Variants in RUNX2 observed in about 807,000 individuals in gnomAD.
The protein encoded by RUNX2 is runt-related transcription factor 2.
A neutral mutation model predicts 51.7 loss-of-function variants in RUNX2; 10 were observed. That is an observed-to-expected ratio of 0.19 (90% CI 0.12 to 0.33). RUNX2 has a LOEUF of 0.33. Among genes scored for constraint, RUNX2 ranks in the 10% least tolerant of loss-of-function variants. The probability of loss-of-function intolerance (pLI) is 1.00; values close to 1 mark genes in which losing one functional copy is unlikely to be tolerated. For missense variants in RUNX2, 562 were observed against 691.3 expected, an observed-to-expected ratio of 0.81 and a Z score of 2.10; for synonymous variants, 276 against 273.6, an observed-to-expected ratio of 1.01 and a Z score of -0.09.
At chr6:45,462,419 G>C (rs2150387532) in intron 5 of RUNX2, among the ~76,000 whole-genome samples, 1 of 152,294 alleles carries the variant, frequency 6.6e-6, no homozygotes, top group Non-Finnish European at 1.5e-5. Context: ...TGTATAAGAA[G>C]ACCACAGAAC....
intron 5 of RUNX2, among the ~76,000 whole-genome samples, chr6:45,470,531 G>A (rs1016887914): frequency 6.6e-6 from 1 of 152,226 alleles, no homozygotes; most frequent in Non-Finnish European, 1.5e-5. Flanking sequence ...AATGTCACAT[G>A]AGTGATACAG....
chr6:45,378,647 T>G (rs535550728), intron 2 of RUNX2, among the ~76,000 whole-genome samples: 225 of 152,260 alleles, frequency 1.5e-3, no homozygotes, highest in African/African-American at 5.2e-3. Context: ...TTGAAAACTT[T>G]TTCTACTTGA....
At chr6:45,412,111 G>T (rs1797962833) in intron 2 of RUNX2, among the ~76,000 whole-genome samples, 1 of 150,572 alleles carries the variant, frequency 6.6e-6, no homozygotes, top group Non-Finnish European at 1.5e-5. Flanking sequence ...ACTTTGAGAG[G>T]CCAAGGCCAG....
At chr6:45,522,047 GTCTAGAACA>G (rs1474116713) in intron 7 of RUNX2, among the ~76,000 whole-genome samples, 2 of 152,112 alleles carry the variant, frequency 1.3e-5, no homozygotes, top group African/African-American at 4.8e-5. Context: ...ATTTCTGCCT[GTCTAGAACA>G]TTTTAGATTT....
chr6:45,369,064 A>C (rs1050738008), intron 2 of RUNX2, among the ~76,000 whole-genome samples: 3 of 152,162 alleles, frequency 2.0e-5, no homozygotes, highest in Non-Finnish European at 4.4e-5. Flanking sequence ...AGTGTTTAGA[A>C]TAACACAAAG....
At chr6:45,334,596 C>T (rs755346564) in intron 2 of RUNX2, among the ~76,000 whole-genome samples, 10 of 150,860 alleles carry the variant, frequency 6.6e-5, no homozygotes, top group South Asian at 2.1e-4. Flanking sequence ...CACATGAACA[C>T]GATGTATTTT....
At chr6:45,406,337 G>C (rs1249998056) in intron 2 of RUNX2, among the ~76,000 whole-genome samples, 2 of 152,156 alleles carry the variant, frequency 1.3e-5, no homozygotes, top group Non-Finnish European at 2.9e-5. Flanking sequence ...CTGGTATCCT[G>C]ACTTCTCAGG....
rs1161429674 is a variant in RUNX2 at position 45,547,802 on chromosome 6, A to G, written c.*497A>G. On this transcript the variant is annotated 3_prime_UTR_variant, in exon 9 of 9. Coordinates refer to ENST00000647337, the MANE Select transcript of RUNX2 (RefSeq NM_001024630.4). ...GTGCACTAAAGGGACATGAGGTAGAATGGATGCTTCCATCACAGTACCATC... is the reference window on the plus strand; with the variant it reads ...GTGCACTAAAGGGACATGAGGTAGAGTGGATGCTTCCATCACAGTACCATC... 1 of 185,552 alleles carries G rather than the reference A, an allele frequency of 5.4e-6. No homozygotes were observed. The highest frequency in any genetic ancestry group is 1.1e-5 in the Non-Finnish European group (1 of 87,124). The allele number at this position is 185,552 out of a possible 1,614,324, so 11.5% of individuals were successfully genotyped here. A position where few individuals can be genotyped will look rare whatever the true frequency, so the allele number is the denominator to read the frequency against.
intron 7 of RUNX2, among the ~76,000 whole-genome samples, chr6:45,527,144 G>A (rs1274318782): frequency 6.6e-6 from 1 of 152,172 alleles, no homozygotes. Flanking sequence ...TGGGAAAATC[G>A]AGTGCAAGGG....
intron 2 of RUNX2, among the ~76,000 whole-genome samples, chr6:45,395,486 G>A (rs545437655): frequency 2.0e-4 from 30 of 152,254 alleles, no homozygotes; most frequent in African/African-American, 7.0e-4. Context: ...TCTATAAAAT[G>A]AGAGTAATAC....
At chr6:45,408,024 A>C (rs1395018105) in intron 2 of RUNX2, among the ~76,000 whole-genome samples, 1 of 152,214 alleles carries the variant, frequency 6.6e-6, no homozygotes, top group East Asian at 1.9e-4. Context: ...ACATAACTAC[A>C]TTATACTTTT....
chr6:45,539,278 C>T (rs569101031), intron 7 of RUNX2, among the ~76,000 whole-genome samples: 2 of 152,050 alleles, frequency 1.3e-5, no homozygotes, highest in Admixed American at 6.6e-5. Context: ...TTAGGATCAG[C>T]TAGTTCTTTC....
intron 2 of RUNX2, among the ~76,000 whole-genome samples, chr6:45,372,904 G>A (rs543496057): frequency 4.6e-5 from 7 of 152,076 alleles, no homozygotes; most frequent in African/African-American, 1.4e-4. Context: ...TGCAACCTCC[G>A]CCTCCAGGGT....
chr6:45,475,039 G>A (rs568666160), intron 5 of RUNX2, among the ~76,000 whole-genome samples: 97 of 151,136 alleles, frequency 6.4e-4, no homozygotes, highest in Middle Eastern at 6.8e-3. Flanking sequence ...CAGGAGAGTC[G>A]CTTGAACCTG....
At chr6:45,350,711 C>T (rs1253336270) in intron 2 of RUNX2, among the ~76,000 whole-genome samples, 2 of 152,110 alleles carry the variant, frequency 1.3e-5, no homozygotes, top group Non-Finnish European at 2.9e-5. Context: ...GCTTATAAAA[C>T]ACATGAAAAC....
chr6:45,400,988 C>T (rs1044804131), intron 2 of RUNX2, among the ~76,000 whole-genome samples: 3 of 151,984 alleles, frequency 2.0e-5, no homozygotes, highest in Non-Finnish European at 4.4e-5. Context: ...AATGTAGAAT[C>T]TAGGTGGTAA....
chr6:45,466,526 A>G (rs1175107986), intron 5 of RUNX2, among the ~76,000 whole-genome samples: 1 of 152,112 alleles, frequency 6.6e-6, no homozygotes, highest in Non-Finnish European at 1.5e-5. Context: ...GCTACAATAC[A>G]GCTCCCAGTC....
At chr6:45,488,324 T>C (rs190326497) in intron 5 of RUNX2, among the ~76,000 whole-genome samples, 109 of 152,174 alleles carry the variant, frequency 7.2e-4, no homozygotes, top group African/African-American at 2.2e-3. Flanking sequence ...TAGAGAGAAA[T>C]AGGATTTTTT....
At chr6:45,370,574 G>A (rs544692445) in intron 2 of RUNX2, among the ~76,000 whole-genome samples, 1 of 152,122 alleles carries the variant, frequency 6.6e-6, no homozygotes, top group South Asian at 2.1e-4. Context: ...CTTTGTATAA[G>A]GATATAAGGA....
Sources: gnomAD v4.1 joint callset for allele counts (sites outside exome capture counted in the v4.1 genomes callset) on GRCh38, gnomAD v4.1.1 for gene constraint, MANE v1.5 for transcripts, NCBI Gene and HGNC (gene_info 2026-07-23, HGNC 2026-07-21) for gene names.